The following MTFR1 variants were observed in gnomAD, a reference collection of about 807,000 sequenced individuals.
MTFR1 encodes the protein chondrocyte protein with a poly-proline region.
A neutral mutation model predicts 38.8 loss-of-function variants in MTFR1; 28 were observed. The ratio of observed to expected loss-of-function variants is 0.72; its 90% CI spans 0.53 to 0.99. The LOEUF is 0.99. MTFR1 is among the 50% of genes least tolerant of loss of function. MTFR1 has a pLI of 0.00. For missense variants in MTFR1, 358 were observed against 395.5 expected (o/e 0.91, Z 0.81); for synonymous variants, 145 against 137.0 (o/e 1.06, Z -0.41).
rs556662541 is a variant in MTFR1 at position 65,707,520 on chromosome 8, A to C, written c.764+264A>C. ...AAGTCTTCACTGCAGTTGCTCAGTG[A>C]GCATTCACTAATTCAATAAAGGCGT... is the stretch of plus-strand genomic sequence containing the variant. On this transcript the variant is annotated intron_variant, in intron 6 of 7. Transcript: ENST00000262146. Among the ~76,000 whole-genome samples, 17 of 152,340 alleles carry C rather than the reference A, an allele frequency of 1.1e-4. No homozygotes were observed. In the South Asian group the frequency reaches 3.5e-3, roughly 32 times the overall value.
At chr8:65,667,864 A>G (rs997839937) in intron 1 of MTFR1, among the ~76,000 whole-genome samples, 1 of 152,158 alleles carries the variant, frequency 6.6e-6, no homozygotes, top group African/African-American at 2.4e-5. Flanking sequence ...AGATTCTCAT[A>G]TGAACTCACA....
chr8:65,664,588 T>A (rs974896794), intron 1 of MTFR1, among the ~76,000 whole-genome samples: 2 of 151,588 alleles, frequency 1.3e-5, no homozygotes, highest in African/African-American at 4.8e-5. Context: ...TCAATTTAAA[T>A]AAAAATGATA....
chr8:65,650,188 T>G (rs991636262), intron 1 of MTFR1, among the ~76,000 whole-genome samples: 22 of 150,246 alleles, frequency 1.5e-4, no homozygotes, highest in African/African-American at 4.9e-4. Flanking sequence ...TTGGCCAGAC[T>G]GCTGGTAACC....
chr8:65,697,740 G>A (rs76896786), intron 4 of MTFR1, among the ~76,000 whole-genome samples: 6,320 of 152,294 alleles, frequency 0.041, 194 homozygotes, highest in Non-Finnish European at 0.063. Context: ...CCCTCTGGCA[G>A]TATATGGCTA....
intron 3 of MTFR1, among the ~76,000 whole-genome samples, chr8:65,759,281 A>G (rs1431214453): frequency 6.6e-6 from 1 of 152,208 alleles, no homozygotes; most frequent in African/African-American, 2.4e-5. Context: ...GGCTCAGGAC[A>G]GTACTATCTC....
chr8:65,729,960 C>T (rs772101218), intron 3 of MTFR1, among the ~76,000 whole-genome samples: 11 of 151,964 alleles, frequency 7.2e-5, no homozygotes, highest in Non-Finnish European at 7.4e-5. Context: ...AAGGACAAGG[C>T]GGTCCTCGCA....
At chr8:65,715,674 G>A (rs1428271263) in intron 2 of MTFR1, among the ~76,000 whole-genome samples, 7 of 144,062 alleles carry the variant, frequency 4.9e-5, no homozygotes, top group East Asian at 4.9e-4. Flanking sequence ...CACCATGCCC[G>A]GCCACAAAAA....
intron 1 of MTFR1, among the ~76,000 whole-genome samples, chr8:65,653,231 G>A (rs1227447640): frequency 6.6e-6 from 1 of 152,066 alleles, no homozygotes; most frequent in Non-Finnish European, 1.5e-5. Flanking sequence ...ATTTAAGATC[G>A]AGCACAGTGG....
At chr8:65,697,621 G>A (rs939526153) in intron 4 of MTFR1, among the ~76,000 whole-genome samples, 1 of 152,170 alleles carries the variant, frequency 6.6e-6, no homozygotes, top group African/African-American at 2.4e-5. Context: ...CTGACTATAA[G>A]TTTTCATTTT....
downstream of MTFR1, among the ~76,000 whole-genome samples, chr8:65,714,145 C>T (rs1335130532): frequency 2.0e-5 from 3 of 151,134 alleles, no homozygotes; most frequent in Non-Finnish European, 4.4e-5. Context: ...GTCACCCAGA[C>T]ATGTTGAGAA....
chr8:65,744,735 GATA>G (rs1486222609), intron 3 of MTFR1, among the ~76,000 whole-genome samples: 1 of 152,160 alleles, frequency 6.6e-6, no homozygotes, highest in Non-Finnish European at 1.5e-5. Context: ...AAAAACATGA[GATA>G]ATAATGTTTA....
At position 65,655,941 on chromosome 8, in the gene MTFR1, TA is replaced by T. The variant is rs796493246; in HGVS notation, c.-81+11168del. ...TGGGTGACAGAGCAAGACTCTGTCT[TA>T]AAAAAAAAAATATATATATATATAT... On this transcript the variant is annotated intron_variant, in intron 1 of 7. Transcript: ENST00000262146. Among the ~76,000 whole-genome samples the T allele has an allele frequency of 5.7e-3, 442 of 77,494 alleles. 7 individuals are homozygous for T. Among genetic ancestry groups the T allele is most frequent in the African/African-American group, 0.011 (138 of 12,648 alleles). 50.8% of individuals were successfully genotyped at this position (77,494 alleles called of 152,430 possible).
chr8:65,770,690 T>A (rs533523618), intron 3 of MTFR1, among the ~76,000 whole-genome samples: 166 of 152,352 alleles, frequency 1.1e-3, no homozygotes, highest in Non-Finnish European at 1.8e-3. Flanking sequence ...AACATTTATA[T>A]ATGATGACTC....
chr8:65,768,816 C>T (rs1395319677), intron 3 of MTFR1, among the ~76,000 whole-genome samples: 1 of 152,084 alleles, frequency 6.6e-6, no homozygotes, highest in Non-Finnish European at 1.5e-5. Flanking sequence ...TAAATATTAC[C>T]TTCTGTGCTA....
At position 65,765,485 on chromosome 8, in the gene MTFR1, T is replaced by C. The variant is rs1346671761; in HGVS notation, c.*49-5462T>C. 14 of 42,408 alleles carry C rather than the reference T, an allele frequency of 3.3e-4. No individual in the cohort carries two copies. The East Asian group carries it at 6.9e-3, about 21-fold the overall frequency. 2.6% of individuals were successfully genotyped at this position (42,408 alleles called of 1,614,324 possible). On this transcript the variant is annotated intron_variant, in intron 3 of 3. Transcript: ENST00000521247. ...GCCTGGGCGACAGAGCGAGACTCCG[T>C]CTCAAAAAAAAAAAAAAAAAAAAAA...
chr8:65,722,919 G>A (rs1806444737), intron 3 of MTFR1: 1 of 152,216 alleles, frequency 6.6e-6, no homozygotes, highest in Non-Finnish European at 1.5e-5. Context: ...AACTCTACGA[G>A]GCACATGGAA....
At chr8:65,665,660 TTTG>T (rs558151096) in intron 1 of MTFR1, among the ~76,000 whole-genome samples, 61 of 152,318 alleles carry the variant, frequency 4.0e-4, no homozygotes, top group African/African-American at 1.2e-4. Context: ...CCACTTTATG[TTTG>T]TTGTTGTTGT....
At chr8:65,723,454 T>G in intron 3 of MTFR1, 1 of 1,198,368 alleles carries the variant, frequency 8.3e-7, no homozygotes, top group South Asian at 2.7e-5. Context: ...AGCATAATTT[T>G]AATATTTTAT....
intron 3 of MTFR1, among the ~76,000 whole-genome samples, chr8:65,744,723 T>TA (rs1807594700): frequency 6.6e-6 from 1 of 152,078 alleles, no homozygotes; most frequent in African/African-American, 2.4e-5. Context: ...AAAATAAAAA[T>TA]AAAAAACATG....
Sources: allele counts gnomAD v4.1 joint callset (sites outside exome capture counted in the v4.1 genomes callset), GRCh38; gene constraint gnomAD v4.1.1; transcripts MANE v1.5; gene names NCBI Gene and HGNC (gene_info 2026-07-23, HGNC 2026-07-21).